The following EPHA3 variants were observed in gnomAD, a reference collection of about 807,000 sequenced individuals.
EPHA3 encodes the protein ephrin type-A receptor 3.
EPHA3 carries 42 observed loss-of-function variants against 107.1 expected under a neutral mutation model. The observed-to-expected ratio is 0.39, with a 90% CI of 0.31 to 0.51. The LOEUF (loss-of-function observed/expected upper bound fraction) is 0.51, where lower values mean the gene tolerates loss of function less well. Ranked by LOEUF, EPHA3 falls within the 20% of genes least tolerant of loss-of-function variation. The pLI is 0.78. For synonymous variants in EPHA3, 461 were observed against 424.8 expected (o/e 1.09, Z -1.05); for missense variants, 1,183 against 1,211.2 (o/e 0.98, Z 0.35).
chr3:89,139,935 A>G (rs12637863), intron 2 of EPHA3, among the ~76,000 whole-genome samples: 35,302 of 151,654 alleles, frequency 0.23, 4,235 homozygotes, highest in Middle Eastern at 0.32. Flanking sequence ...AGCACCCAAG[A>G]TAATATCCAA....
chr3:89,150,407 T>A (rs1443811765), intron 2 of EPHA3, among the ~76,000 whole-genome samples: 1 of 152,058 alleles, frequency 6.6e-6, no homozygotes, highest in Non-Finnish European at 1.5e-5. Context: ...AGTTGGATAA[T>A]AATGTGCATT....
chr3:89,472,686 G>T, intron 16 of EPHA3, 67 bp downstream of exon 16: 5 of 885,434 alleles, frequency 5.6e-6, no homozygotes, highest in Non-Finnish European at 7.9e-6. Context: ...TGACATGAAA[G>T]ATTTGTAACA....
At chr3:89,451,570 A>T (rs1198645062) in intron 15 of EPHA3, among the ~76,000 whole-genome samples, 1 of 152,174 alleles carries the variant, frequency 6.6e-6, no homozygotes, top group Non-Finnish European at 1.5e-5. Context: ...TATAGAGAGA[A>T]GCATTTCAGA....
intron 3 of EPHA3, among the ~76,000 whole-genome samples, chr3:89,267,192 A>G (rs1260861612): frequency 6.6e-6 from 1 of 152,144 alleles, no homozygotes; most frequent in Non-Finnish European, 1.5e-5. Flanking sequence ...CAGTGGGTAA[A>G]GTAAGCTTAC....
At chr3:89,281,004 A>ATTTTTTATTTAGTTAT (rs71105126) in intron 3 of EPHA3, among the ~76,000 whole-genome samples, 25 of 147,364 alleles carry the variant, frequency 1.7e-4, no homozygotes, top group African/African-American at 6.4e-4. Context: ...CAAGATTTTT[A>ATTTTTTATTTAGTTAT]TTATTTATTT....
intron 12 of EPHA3, 22 bp downstream of exon 12, chr3:89,429,189 A>C: frequency 6.4e-7 from 1 of 1,571,910 alleles, no homozygotes; most frequent in Non-Finnish European, 8.7e-7. Flanking sequence ...GCACACACAT[A>C]CATATATATG....
chr3:89,281,952 G>A (rs1364057344), intron 3 of EPHA3, among the ~76,000 whole-genome samples: 2 of 152,034 alleles, frequency 1.3e-5, no homozygotes, highest in Admixed American at 6.6e-5. Context: ...CTAGTTATTG[G>A]GCTGATGTGT....
chr3:89,380,782 T>A (rs987092040), intron 5 of EPHA3, among the ~76,000 whole-genome samples: 1 of 152,004 alleles, frequency 6.6e-6, no homozygotes, highest in African/African-American at 2.4e-5. Context: ...TTTTTTTTTT[T>A]TTTTTTAATG....
intron 5 of EPHA3, among the ~76,000 whole-genome samples, chr3:89,374,310 G>A (rs1708363324): frequency 6.6e-6 from 1 of 151,864 alleles, no homozygotes; most frequent in African/African-American, 2.4e-5. Context: ...AACGTCATGA[G>A]TGCCTACAGA....
chr3:89,289,986 G>C (rs2107327294), intron 3 of EPHA3, among the ~76,000 whole-genome samples: 1 of 152,256 alleles, frequency 6.6e-6, no homozygotes, highest in African/African-American at 2.4e-5. Flanking sequence ...TAATGTAACA[G>C]ACCATGCTGT....
intron 16 of EPHA3, 123 bp downstream of exon 16, chr3:89,472,742 T>A: frequency 8.8e-7 from 1 of 1,132,696 alleles, no homozygotes; most frequent in Non-Finnish European, 1.2e-6. Context: ...TCTGAGGTAC[T>A]GACTACCGCC....
At chr3:89,307,544 GT>G (rs1445447209) in intron 3 of EPHA3, among the ~76,000 whole-genome samples, 2 of 152,092 alleles carry the variant, frequency 1.3e-5, no homozygotes, top group East Asian at 3.9e-4. Context: ...CAGTGCTAAT[GT>G]TTGTTGGATT....
At chr3:89,434,288 G>T (rs1188179323) in intron 13 of EPHA3, among the ~76,000 whole-genome samples, 1 of 152,114 alleles carries the variant, frequency 6.6e-6, no homozygotes, top group East Asian at 1.9e-4. Flanking sequence ...CGCAGTGTCG[G>T]TTCACTGCAA....
chr3:89,213,768 A>G (rs1369366199), intron 3 of EPHA3, among the ~76,000 whole-genome samples: 1 of 151,922 alleles, frequency 6.6e-6, no homozygotes, highest in Admixed American at 6.6e-5. Flanking sequence ...TGTCCCTTAA[A>G]TTTACTGATC....
At position 89,149,112 on chromosome 3, in the gene EPHA3, C is replaced by A. The variant is rs572925879; in HGVS notation, c.153+21839C>A. 9.9e-5 allele frequency among the ~76,000 whole-genome samples: 15 copies of A among 151,930 alleles called. No homozygotes were observed. The South Asian group carries it at 3.1e-3, about 32-fold the overall frequency. On this transcript the variant is annotated intron_variant, in intron 2 of 16. Coordinates refer to ENST00000336596, the MANE Select transcript of EPHA3 (RefSeq NM_005233.6). ...TCCATTGAAACAGAAGATACTATTG[C>A]CTAAACAATCATAAAATATTATATG... is the stretch of plus-strand genomic sequence containing the variant.
intron 2 of EPHA3, among the ~76,000 whole-genome samples, chr3:89,190,461 G>C (rs963090618): frequency 6.6e-6 from 1 of 151,998 alleles, no homozygotes; most frequent in Non-Finnish European, 1.5e-5. Flanking sequence ...TTTAAATTTT[G>C]TATAAATATT....
rs575115301 is a variant in EPHA3, at chr3:89,252,912, T to A, written c.814+42392T>A. The stretch of plus-strand genomic sequence containing the variant: ...TTATTTAATGGAATAGTATAAAAGA[T>A]CAAAATAGTTTAGGCAAAACATTGT... On this transcript the variant is annotated intron_variant, in intron 3 of 16. Transcript: ENST00000336596. 8.0e-5 allele frequency among the ~76,000 whole-genome samples: 12 copies of A among 150,790 alleles called. No homozygotes were observed. The East Asian group carries it at 2.3e-3, about 29-fold the overall frequency.
Position 89,479,800 on chromosome 3 carries a change from AACTG to A in EPHA3, c.*302_*305del. 3.5e-6 allele frequency: 1 copy of A among 284,708 alleles called. No individual in the cohort carries two copies. The highest frequency in any genetic ancestry group is 6.6e-6 in the Non-Finnish European group (1 of 150,928). The allele number at this position is 284,708 out of a possible 1,614,324, so 17.6% of individuals were successfully genotyped here. ...AACTAGCATATAGCCATTGATCATA[AACTG>A]ACTATCATAAAATCAAAACAAGTGA... On this transcript the variant is annotated 3_prime_UTR_variant, in exon 17 of 17. Transcript: ENST00000336596.
At chr3:89,319,491 C>A (rs749007067) in intron 3 of EPHA3, among the ~76,000 whole-genome samples, 2 of 151,910 alleles carry the variant, frequency 1.3e-5, no homozygotes, top group Non-Finnish European at 2.9e-5. Context: ...AATGACAATA[C>A]ACTATACTAA....
Sources: allele counts gnomAD v4.1 joint callset (sites outside exome capture counted in the v4.1 genomes callset), GRCh38; gene constraint gnomAD v4.1.1; transcripts MANE v1.5; gene names NCBI Gene and HGNC (gene_info 2026-07-23, HGNC 2026-07-21).